Variants in MDH2 observed in about 807,000 individuals in gnomAD.
The protein encoded by MDH2 is malate dehydrogenase 2.
MDH2 carries 25 observed loss-of-function variants against 33.6 expected under a neutral mutation model. The observed-to-expected ratio is 0.74, with a 90% CI of 0.54 to 1.04. MDH2 has a LOEUF of 1.04. Among genes scored for constraint, MDH2 ranks in the 50% least tolerant of loss-of-function variants. The pLI is 0.00. For missense variants in MDH2, 432 were observed against 445.0 expected (o/e 0.97, Z 0.26); for synonymous variants, 193 against 188.7 (o/e 1.02, Z -0.19).
chr7:76,050,830 T>C (rs951560312), intron 1 of MDH2, among the ~76,000 whole-genome samples: 3 of 152,092 alleles, frequency 2.0e-5, no homozygotes, highest in Non-Finnish European at 2.9e-5. Context: ...TGGGCTGAAA[T>C]AGGCAAGACT....
In MDH2 at chr7:76,060,495, G is replaced by A. The variant is rs1554586848; in HGVS notation, c.552G>A (p.Leu184=). ...GAGCCAACACCTTTGTTGCAGAGCT[G>A]AAGGTAAGGGCGGCGTGGGTGTTGC... ...IVRANTFVAE[L]KGLDPARVNV... The change falls in exon 5 of 9, where the codon CTG becomes CTA. Residue 184 remains leucine, a synonymous_variant. Coordinates refer to ENST00000315758, the MANE Select transcript of MDH2 (RefSeq NM_005918.4). 3 of 1,614,146 alleles carry A rather than the reference G, an allele frequency of 1.9e-6. No homozygotes were observed. The highest frequency in any genetic ancestry group is 3.3e-5 in the Admixed American group (2 of 60,018).
intron 3 of MDH2, 75 bp downstream of exon 3, chr7:76,057,568 T>C: frequency 6.8e-7 from 1 of 1,463,982 alleles, no homozygotes; most frequent in Non-Finnish European, 9.5e-7. Context: ...CTATTAAAAA[T>C]GGATTTAATC....
chr7:76,056,349 C>G (rs1030266234), intron 2 of MDH2, among the ~76,000 whole-genome samples: 4 of 152,180 alleles, frequency 2.6e-5, no homozygotes, highest in African/African-American at 9.7e-5. Flanking sequence ...TTCCAAATTG[C>G]TGTCCAGAAA....
intron 1 of MDH2, among the ~76,000 whole-genome samples, chr7:76,050,159 G>C (rs1459130734): frequency 1.3e-5 from 2 of 152,104 alleles, no homozygotes; most frequent in African/African-American, 4.8e-5. Flanking sequence ...CTCCCGAGTA[G>C]GTGGGAATCA....
chr7:76,049,315 G>A (rs782808712), intron 1 of MDH2, among the ~76,000 whole-genome samples: 1 of 152,152 alleles, frequency 6.6e-6, no homozygotes, highest in African/African-American at 2.4e-5. Context: ...TGTACCAAAT[G>A]CTTTTGCGCT....
chr7:76,056,880 G>T (rs1263199575), intron 2 of MDH2, among the ~76,000 whole-genome samples: 1 of 152,076 alleles, frequency 6.6e-6, no homozygotes, highest in Admixed American at 6.6e-5. Flanking sequence ...AAATGTGGTG[G>T]ACCATGCCTG....
chr7:76,066,356 C>G lies in MDH2; in HGVS notation c.963C>G (p.Pro321=). Residue 321 remains proline (P), a synonymous_variant, in exon 9 of 9, where the codon CCC becomes CCG. Coordinates refer to ENST00000315758, the MANE Select transcript of MDH2 (RefSeq NM_005918.4). The stretch of plus-strand genomic sequence containing the variant: ...AGAAGATGATCTCGGATGCCATCCC[C>G]GAGCTGAAGGCCTCCATCAAGAAGG... The part of the protein sequence containing the change: ...FEEKMISDAI[P]ELKASIKKGE... The G allele has an allele frequency of 6.2e-7, 1 of 1,610,720 alleles. No homozygotes were observed. Among genetic ancestry groups the G allele is most frequent in the Non-Finnish European group, 8.5e-7 (1 of 1,179,068 alleles).
At chr7:76,057,377 G>A (rs527524037) in intron 2 of MDH2, 33 bp from the exon 3 acceptor site, 53 of 1,612,174 alleles carry the variant, frequency 3.3e-5, no homozygotes, top group East Asian at 8.9e-5. Flanking sequence ...AATCAGAAAC[G>A]GTGACATTTC....
At chr7:76,061,256 C>T (rs1554586960) in intron 5 of MDH2, among the ~76,000 whole-genome samples, 1 of 152,224 alleles carries the variant, frequency 6.6e-6, no homozygotes, top group Non-Finnish European at 1.5e-5. Context: ...ATACGTGCGG[C>T]ATGGTAGGAA....
At chr7:76,061,269 G>A (rs1172928094) in intron 5 of MDH2, among the ~76,000 whole-genome samples, 1 of 152,220 alleles carries the variant, frequency 6.6e-6, no homozygotes, top group Non-Finnish European at 1.5e-5. Flanking sequence ...GGTAGGAAGT[G>A]CACCCGCAGC....
intron 6 of MDH2, 46 bp from the exon 7 acceptor site, chr7:76,064,293 G>A: frequency 6.7e-7 from 1 of 1,497,434 alleles, no homozygotes. Flanking sequence ...TGGGTCTGGG[G>A]TCATGGGCCG....
chr7:76,057,638 C>A, intron 3 of MDH2, 145 bp downstream of exon 3: 1 of 827,470 alleles, frequency 1.2e-6, no homozygotes, highest in Non-Finnish European at 1.9e-6. Context: ...GTAAAGGTCA[C>A]ATCTCTTTGT....
rs782287447 is a variant in MDH2 at position 76,048,237 on chromosome 7, C to A, written c.66+11C>A. The A allele has an allele frequency of 2.0e-6, 3 of 1,532,116 alleles. No homozygotes were observed. The East Asian group carries it at 7.4e-5, about 38-fold the overall frequency. 94.9% of individuals were successfully genotyped at this position (1,532,116 alleles called of 1,614,324 possible). A position where few individuals can be genotyped will look rare whatever the true frequency, so the allele number is the denominator to read the frequency against. On this transcript the variant is annotated intron_variant, in intron 1 of 8. Coordinates refer to ENST00000315758, the MANE Select transcript of MDH2 (RefSeq NM_005918.4). The stretch of plus-strand genomic sequence containing the variant: ...AGCACCTCGGCCCAGGTAGGCCAGA[C>A]GAGGGGCGGCCTGCAGGCGGAGGCC...
Position 76,064,910 on chromosome 7 carries a change from A to G in MDH2, c.842A>G (p.Gln281Arg). 1 of 1,614,178 alleles carries G rather than the reference A, an allele frequency of 6.2e-7. No individual in the cohort carries two copies. The highest frequency in any genetic ancestry group is 8.5e-7 in the Non-Finnish European group (1 of 1,180,032). ...GVVECSFVKS[Q>R]ETECTYFSTP... is the part of the protein sequence containing the mutation. ...GTGGAATGTTCCTTCGTTAAGTCAC[A>G]GGAAACGGAATGTACCTACTTCTCC... Residue 281 changes from glutamine to arginine, a missense_variant, in exon 8 of 9, where the codon CAG (glutamine) becomes CGG (arginine). Gln to Arg is a conservative substitution (Grantham distance 43, BLOSUM62 1). Coordinates refer to ENST00000315758, the MANE Select transcript of MDH2 (RefSeq NM_005918.4).
In MDH2 at chr7:76,057,593, T is replaced by C; in HGVS notation, c.319+100T>C. 4 of 1,227,086 alleles carry C rather than the reference T, an allele frequency of 3.3e-6. No homozygotes were observed. The South Asian group carries it at 5.5e-5, about 17-fold the overall frequency. The allele number at this position is 1,227,086 out of a possible 1,614,324, so 76.0% of individuals were successfully genotyped here. On this transcript the variant is annotated intron_variant, in intron 3 of 8. Coordinates refer to ENST00000315758, the MANE Select transcript of MDH2 (RefSeq NM_005918.4). Reference sequence around the variant, plus strand: ...TGGATTTAATCTGGTTGCTTTGTTGTAGGAAAAATGTCACCAGCTCCCCTT... The same window carrying C: ...TGGATTTAATCTGGTTGCTTTGTTGCAGGAAAAATGTCACCAGCTCCCCTT...
intron 5 of MDH2, among the ~76,000 whole-genome samples, 186 bp downstream of exon 5, chr7:76,060,684 C>G (rs1201487951): frequency 6.6e-6 from 1 of 151,982 alleles, no homozygotes; most frequent in Non-Finnish European, 1.5e-5. Flanking sequence ...TCCAGGCACT[C>G]GGCCCAACAG....
chr7:76,062,622 A>G (rs1055612865), intron 5 of MDH2, among the ~76,000 whole-genome samples: 1 of 152,228 alleles, frequency 6.6e-6, no homozygotes, highest in Non-Finnish European at 1.5e-5. Context: ...GTTTTAAGAA[A>G]TACTTGGTTC....
At position 76,064,796 on chromosome 7, in the gene MDH2, C is replaced by G. The variant is rs1554587577; in HGVS notation, c.734-6C>G. The G allele has an allele frequency of 1.9e-6, 3 of 1,612,924 alleles. No individual in the cohort carries two copies. Among genetic ancestry groups the G allele is most frequent in the South Asian group, 1.1e-5 (1 of 90,980 alleles). On this transcript the variant is annotated splice_region_variant and splice_polypyrimidine_tract_variant and intron_variant, in intron 7 of 8. Coordinates refer to ENST00000315758, the MANE Select transcript of MDH2 (RefSeq NM_005918.4). ...CAGCCAGGCTGACCTGTCTGTGCCC[C>G]CCTAGGCTCTGCCACCCTCTCCATG...
In MDH2 at chr7:76,060,409, A is replaced by G; in HGVS notation, c.466A>G (p.Lys156Glu). ...CATCCCCATCACAGCAGAAGTTTTC[A>G]AGAAGCATGGAGTGTACAACCCCAA... Reference protein sequence around the residue: ...STIPITAEVFKKHGVYNPNKI... With the variant: ...STIPITAEVFEKHGVYNPNKI... Residue 156 changes from lysine to glutamate, a missense_variant, in exon 5 of 9, where the codon AAG becomes GAG. By Grantham distance (56) the Lys-to-Glu change is moderately conservative (BLOSUM62 1). Transcript: ENST00000315758. 1 of 1,614,136 alleles carries G rather than the reference A, an allele frequency of 6.2e-7. No homozygotes were observed. Among genetic ancestry groups the G allele is most frequent in the Non-Finnish European group, 8.5e-7 (1 of 1,180,012 alleles).
Sources: allele counts gnomAD v4.1 joint callset (sites outside exome capture counted in the v4.1 genomes callset), GRCh38; gene constraint gnomAD v4.1.1; transcripts MANE v1.5; gene names NCBI Gene and HGNC (gene_info 2026-07-23, HGNC 2026-07-21).